WDR17: variants seen among roughly 807,000 people sequenced by gnomAD.
WDR17 encodes the protein WD repeat-containing protein 17.
In WDR17, 143 loss-of-function variants were observed where a neutral mutation model predicts 161.7. That is an observed-to-expected ratio of 0.88 (90% CI 0.77 to 1.02). WDR17 has a LOEUF of 1.02. Ranked by LOEUF, WDR17 falls within the 50% of genes least tolerant of loss-of-function variation. The probability of loss-of-function intolerance (pLI) is 0.00; values close to 1 mark genes in which losing one functional copy is unlikely to be tolerated. For missense variants in WDR17, 1,469 were observed against 1,520.9 expected (o/e 0.97, Z 0.57); for synonymous variants, 517 against 515.6 (o/e 1.00, Z -0.04).
intron 7 of WDR17, 118 bp downstream of exon 7, chr4:176,131,856 A>T: frequency 1.3e-6 from 1 of 784,938 alleles, no homozygotes; most frequent in Non-Finnish European, 1.8e-6. Context: ...AATATACTAG[A>T]AATTTATTGT....
intron 13 of WDR17, among the ~76,000 whole-genome samples, chr4:176,149,014 C>T (rs997812677): frequency 6.6e-6 from 1 of 152,096 alleles, no homozygotes; most frequent in Non-Finnish European, 1.5e-5. Context: ...GGCCTTTTAG[C>T]CAAGGCAATG....
At chr4:176,136,280 G>A (rs1235102418) in intron 8 of WDR17, among the ~76,000 whole-genome samples, 1 of 151,570 alleles carries the variant, frequency 6.6e-6, no homozygotes, top group Non-Finnish European at 1.5e-5. Flanking sequence ...CTATTCTGTT[G>A]ATTATTGCAG....
In WDR17 at chr4:176,065,980, G is replaced by A. The variant is rs947913164; in HGVS notation, c.-106G>A. On this transcript the variant is annotated 5_prime_UTR_variant, in exon 1 of 29. Coordinates refer to ENST00000508596, the MANE Select transcript of WDR17 (RefSeq NM_181265.4). ...GCGCCCTGAGCGAGCAGGCGGGGAGGGCGGGGAGGGTCCGCGCGTTGGTGG... is the reference window on the plus strand; with the variant it reads ...GCGCCCTGAGCGAGCAGGCGGGGAGAGCGGGGAGGGTCCGCGCGTTGGTGG... The A allele has an allele frequency of 1.3e-5, 2 of 152,120 alleles. No individual in the cohort carries two copies. The highest frequency in any genetic ancestry group is 2.9e-5 in the Non-Finnish European group (2 of 68,038). The allele number at this position is 152,120 out of a possible 1,614,324, so 9.4% of individuals were successfully genotyped here.
chr4:176,142,054 G>A lies in WDR17; in HGVS notation c.1514G>A (p.Trp505Ter). ...CCAGCTGCAGTGTTTGGTTGTGATT[G>A]GAGCCAAAACAATAAGTAAGTGGTT... Reference protein sequence around the residue: ...KHPAAVFGCDWSQNNKDMIAT... With the variant: ...KHPAAVFGCD The change falls in exon 11 of 29, where the codon TGG (tryptophan) becomes TAG (stop). Residue 505 changes from tryptophan to a stop codon, truncating the protein, a stop_gained. Coordinates refer to ENST00000508596, the MANE Select transcript of WDR17 (RefSeq NM_181265.4). LOFTEE classifies it high-confidence loss of function. 6.2e-7 allele frequency: 1 copy of A among 1,609,796 alleles called. No homozygotes were observed.
At chr4:176,111,254 C>G (rs1472533058) in intron 1 of WDR17, 2 of 168,648 alleles carry the variant, frequency 1.2e-5, no homozygotes, top group Non-Finnish European at 2.5e-5. Context: ...TTCAGTGATA[C>G]TATTAATATA....
At chr4:176,123,505 C>T (rs577514351) in intron 4 of WDR17, among the ~76,000 whole-genome samples, 2 of 152,238 alleles carry the variant, frequency 1.3e-5, no homozygotes, top group South Asian at 2.1e-4. Context: ...GGCTATAAAT[C>T]GAGGTTCCCG....
chr4:176,080,395 G>A (rs2126588939), intron 1 of WDR17, among the ~76,000 whole-genome samples: 1 of 151,700 alleles, frequency 6.6e-6, no homozygotes, highest in African/African-American at 2.4e-5. Context: ...TCCCTAGGAC[G>A]TTCTAAAGTT....
chr4:176,085,849 C>T (rs1294296661), intron 1 of WDR17, among the ~76,000 whole-genome samples: 2 of 151,758 alleles, frequency 1.3e-5, no homozygotes, highest in Admixed American at 1.3e-4. Context: ...ATTTGCTTTT[C>T]TTTTTCCAGT....
At chr4:176,104,632 G>T (rs1738395454) in intron 1 of WDR17, among the ~76,000 whole-genome samples, 1 of 151,962 alleles carries the variant, frequency 6.6e-6, no homozygotes, top group Non-Finnish European at 1.5e-5. Flanking sequence ...CTGAGGTTTT[G>T]TATGTAATTG....
At position 176,128,823 on chromosome 4, in the gene WDR17, C is replaced by A. The variant is rs139464114; in HGVS notation, c.876C>A (p.His292Gln). 7.0e-5 allele frequency: 112 copies of A among 1,603,654 alleles called. No individual in the cohort carries two copies. In the African/African-American group the frequency reaches 1.4e-3, roughly 20 times the overall value. Residue 292 changes from histidine (H) to glutamine (Q), a missense_variant, in exon 6 of 29, where the codon CAC becomes CAA. Transcript: ENST00000508596. ...DNLKLKKTGF[H>Q]CLHVLNSPPR... is the part of the protein sequence containing the mutation. ...TTAAATTAAAGAAAACAGGATTTCA[C>A]TGCTTACATGTACTTAATTCTCCTC...
rs1450475835 is a variant in WDR17 at position 176,142,029 on chromosome 4, C to T, written c.1489C>T (p.Pro497Ser). ...TAAAGTGCTACACAAATATAAACAT[C>T]CAGCTGCAGTGTTTGGTTGTGATTG... ...DGKVLHKYKH[P>S]AAVFGCDWSQ... The change falls in exon 11 of 29, where the codon CCA (proline) becomes TCA (serine). Residue 497 changes from proline to serine, a missense_variant. Transcript: ENST00000508596. 1.2e-6 allele frequency: 2 copies of T among 1,610,258 alleles called. No homozygotes were observed. The highest frequency in any genetic ancestry group is 1.7e-6 in the Non-Finnish European group (2 of 1,177,964).
rs1396577365 is a variant in WDR17 at position 176,160,487 on chromosome 4, A to C, written c.2658+361A>C. Among the ~76,000 whole-genome samples, 4 of 152,072 alleles carry C rather than the reference A, an allele frequency of 2.6e-5. No individual in the cohort carries two copies. In the East Asian group the frequency reaches 7.7e-4, roughly 29 times the overall value. ...CAGGCACCCGCCACCATGCCCAGCT[A>C]ATATTTGTATTTGTAGTGGAGATGG... is the stretch of plus-strand genomic sequence containing the variant. On this transcript the variant is annotated intron_variant, in intron 19 of 28. Transcript: ENST00000508596.
At position 176,104,591 on chromosome 4, in the gene WDR17, T is replaced by A. The variant is rs371587327; in HGVS notation, c.-6-6984T>A. Among the ~76,000 whole-genome samples the A allele has an allele frequency of 2.6e-5, 4 of 152,092 alleles. No homozygotes were observed. In the East Asian group the frequency reaches 5.8e-4, roughly 22 times the overall value. On this transcript the variant is annotated intron_variant, in intron 1 of 28. Coordinates refer to ENST00000508596, the MANE Select transcript of WDR17 (RefSeq NM_181265.4). ...GATGTAATTTTTTGACATCAACAACTTAAAGGTGTGGGGTTGGAGTTTTAA... is the reference window on the plus strand; with the variant it reads ...GATGTAATTTTTTGACATCAACAACATAAAGGTGTGGGGTTGGAGTTTTAA...
At chr4:176,164,887 A>G (rs1007507565) in intron 22 of WDR17, among the ~76,000 whole-genome samples, 33 of 152,092 alleles carry the variant, frequency 2.2e-4, no homozygotes, top group Admixed American at 1.8e-3. Flanking sequence ...CTCTATCAAG[A>G]GCTATAATAG....
intron 3 of WDR17, among the ~76,000 whole-genome samples, chr4:176,116,624 G>T (rs1740689164): frequency 6.6e-6 from 1 of 151,744 alleles, no homozygotes; most frequent in African/African-American, 2.4e-5. Flanking sequence ...GGTTTTGAAA[G>T]CTACTGCTAG....
At position 176,126,499 on chromosome 4, in the gene WDR17, C is replaced by T. The variant is rs75530020; in HGVS notation, c.790+1144C>T. Among the ~76,000 whole-genome samples, 75 of 152,242 alleles carry T rather than the reference C, an allele frequency of 4.9e-4. 2 individuals are homozygous for T. In the East Asian group the frequency reaches 0.011, roughly 22 times the overall value. ...TCTTTAATACTTAACATAATAGTGA[C>T]GCCACCCTGTATCTGTGGGTTCTGC... On this transcript the variant is annotated intron_variant, in intron 5 of 28. Transcript: ENST00000508596.
intron 1 of WDR17, among the ~76,000 whole-genome samples, chr4:176,070,223 A>C (rs976128953): frequency 6.6e-6 from 1 of 152,226 alleles, no homozygotes; most frequent in African/African-American, 2.4e-5. Context: ...ACATTTATAT[A>C]TCAATAGTAG....
At chr4:176,111,727 T>G (rs1160767587) in intron 2 of WDR17, 24 bp downstream of exon 2, 1 of 1,530,796 alleles carries the variant, frequency 6.5e-7, no homozygotes, top group Non-Finnish European at 8.8e-7. Flanking sequence ...TCTTTTCCAT[T>G]TTTAATTATA....
chr4:176,136,244 G>A (rs1744383524), intron 8 of WDR17, among the ~76,000 whole-genome samples: 1 of 151,556 alleles, frequency 6.6e-6, no homozygotes, highest in Non-Finnish European at 1.5e-5. Flanking sequence ...GACAATGTTT[G>A]TCCTTTAAGC....
Sources: allele counts gnomAD v4.1 joint callset (sites outside exome capture counted in the v4.1 genomes callset), GRCh38; gene constraint gnomAD v4.1.1; transcripts MANE v1.5; gene names NCBI Gene and HGNC (gene_info 2026-07-23, HGNC 2026-07-21).